The following COL4A1 variants were observed in gnomAD, a reference collection of about 807,000 sequenced individuals.
COL4A1 encodes collagen type IV alpha 1 chain.
In COL4A1, 40 loss-of-function variants were observed where a neutral mutation model predicts 216.6. That is an observed-to-expected ratio of 0.18 (90% CI 0.14 to 0.24). COL4A1 has a LOEUF of 0.24. COL4A1 is among the 10% of genes least tolerant of loss of function. The probability of loss-of-function intolerance (pLI) is 1.00; values close to 1 mark genes in which losing one functional copy is unlikely to be tolerated. For missense variants in COL4A1, 1,628 were observed against 2,196.8 expected (o/e 0.74, Z 5.18); for synonymous variants, 839 against 810.7 (o/e 1.03, Z -0.59).
At chr13:110,265,049 G>A (rs915057756) in intron 1 of COL4A1, among the ~76,000 whole-genome samples, 11 of 152,248 alleles carry the variant, frequency 7.2e-5, no homozygotes, top group African/African-American at 1.7e-4. Context: ...GGCTGTGGGC[G>A]CCGTCCCACC....
intron 1 of COL4A1, among the ~76,000 whole-genome samples, chr13:110,276,278 G>T (rs550024166): frequency 3.0e-4 from 46 of 152,312 alleles, no homozygotes; most frequent in Middle Eastern, 3.4e-3. Flanking sequence ...ACCCCAGATT[G>T]CGAAACAGTG....
intron 2 of COL4A1, among the ~76,000 whole-genome samples, chr13:110,234,029 T>C (rs1190036734): frequency 6.6e-6 from 1 of 152,232 alleles, no homozygotes; most frequent in African/African-American, 2.4e-5. Context: ...CTCACACTTA[T>C]TGCAACTTCA....
At chr13:110,206,621 A>G (rs377764595) in intron 15 of COL4A1, 44 bp downstream of exon 15, 38 of 1,601,934 alleles carry the variant, frequency 2.4e-5, no homozygotes, top group Non-Finnish European at 3.1e-5. Context: ...TTCCGCATGG[A>G]AGGAGAATTG....
At chr13:110,179,204 C>A in intron 30 of COL4A1, 67 bp downstream of exon 30, 1 of 1,598,496 alleles carries the variant, frequency 6.3e-7, no homozygotes, top group South Asian at 1.1e-5. Flanking sequence ...TCGGTAGGGG[C>A]TCTGGGAATG....
chr13:110,199,151 T>A (rs1037900471), intron 20 of COL4A1, among the ~76,000 whole-genome samples: 2 of 152,172 alleles, frequency 1.3e-5, no homozygotes, highest in Non-Finnish European at 2.9e-5. Context: ...TGTAACTCTG[T>A]AAGGGTAAGA....
chr13:110,164,818 C>T (rs1877258938), intron 46 of COL4A1, 44 bp downstream of exon 46: 2 of 1,608,476 alleles, frequency 1.2e-6, no homozygotes, highest in Non-Finnish European at 8.5e-7. Context: ...ACCACTGCCC[C>T]TCTGGGCTCC....
At chr13:110,254,990 C>T (rs1341599453) in intron 1 of COL4A1, among the ~76,000 whole-genome samples, 1 of 152,184 alleles carries the variant, frequency 6.6e-6, no homozygotes, top group African/African-American at 2.4e-5. Context: ...AAGGAGCTTG[C>T]TGGTTAAGAG....
chr13:110,212,448 G>A lies in COL4A1; in HGVS notation c.356C>T (p.Pro119Leu). The change falls in exon 6 of 52, where the codon CCC becomes CTC. Residue 119 changes from proline to leucine, a missense_variant. Coordinates refer to ENST00000375820, the MANE Select transcript of COL4A1 (RefSeq NM_001845.6). ...GCCATTGCATCCTGGAATACCTGGG[G>A]GGCCTGGCGGGCCGTCTTGGCCAGG... Reference protein sequence around the residue: ...GIPGQDGPPGPPGIPGCNGTK... With the variant: ...GIPGQDGPPGLPGIPGCNGTK... 1.2e-6 allele frequency: 2 copies of A among 1,614,044 alleles called. No homozygotes were observed. Among genetic ancestry groups the A allele is most frequent in the Non-Finnish European group, 1.7e-6 (2 of 1,180,040 alleles).
At position 110,220,987 on chromosome 13, in the gene COL4A1, G is replaced by A. The variant is rs562382839; in HGVS notation, c.145-6972C>T. Among the ~76,000 whole-genome samples the A allele has an allele frequency of 1.2e-4, 19 of 152,326 alleles. No homozygotes were observed. In the South Asian group the frequency reaches 3.7e-3, roughly 30 times the overall value. ...GAAGAAGGTCCACCCTGTGCTCAGC[G>A]AAAGCCTGCCTGCAGCTATAGCATT... On this transcript the variant is annotated intron_variant, in intron 2 of 51. Transcript: ENST00000375820.
intron 43 of COL4A1, among the ~76,000 whole-genome samples, chr13:110,169,297 T>C (rs1373636588): frequency 6.6e-6 from 1 of 152,236 alleles, no homozygotes; most frequent in South Asian, 2.1e-4. Context: ...TGGCTTGCTT[T>C]TTACATTGAG....
Position 110,209,374 on chromosome 13 carries a change from A to C in COL4A1, c.651+18T>G, listed in dbSNP as rs1879666665. On this transcript the variant is annotated intron_variant, in intron 11 of 51. Coordinates refer to ENST00000375820, the MANE Select transcript of COL4A1 (RefSeq NM_001845.6). The stretch of plus-strand genomic sequence containing the variant: ...CTTATACTAATGCCAAAGAACAAAA[A>C]ATGAAAAGAACTTTTACCTTTTCAC... 4.3e-6 allele frequency: 7 copies of C among 1,611,432 alleles called. No homozygotes were observed. Among genetic ancestry groups the C allele is most frequent in the Non-Finnish European group, 5.9e-6 (7 of 1,177,862 alleles).
intron 36 of COL4A1, among the ~76,000 whole-genome samples, chr13:110,175,857 G>A (rs1269588002): frequency 6.6e-6 from 1 of 152,140 alleles, no homozygotes; most frequent in East Asian, 1.9e-4. Context: ...AACAGCACCT[G>A]GTCAAGACTC....
At chr13:110,224,712 A>G (rs1017432007) in intron 2 of COL4A1, among the ~76,000 whole-genome samples, 5 of 152,216 alleles carry the variant, frequency 3.3e-5, no homozygotes, top group African/African-American at 1.2e-4. Context: ...TTCTACATTA[A>G]CAGAAATGTT....
chr13:110,156,581 T>C (rs1314278612), intron 49 of COL4A1, among the ~76,000 whole-genome samples: 5 of 152,160 alleles, frequency 3.3e-5, no homozygotes, highest in Non-Finnish European at 7.3e-5. Context: ...CAGCTCAGCC[T>C]TGGGACTGCA....
At chr13:110,295,019 G>C (rs74861172) in intron 1 of COL4A1, among the ~76,000 whole-genome samples, 155 of 152,300 alleles carry the variant, frequency 1.0e-3, no homozygotes, top group African/African-American at 3.4e-3. Flanking sequence ...TTAGATTACA[G>C]TTCTGTTCAT....
At chr13:110,247,790 CGT>C (rs56086913) in intron 1 of COL4A1, among the ~76,000 whole-genome samples, 13,154 of 57,620 alleles carry the variant, frequency 0.23, 1,199 homozygotes, top group East Asian at 0.36. Context: ...CTATGCTACT[CGT>C]GTGTGTGTGT....
chr13:110,240,607 C>T lies in COL4A1; in HGVS notation c.144+2068G>A, dbSNP rs1383573538. ...GGGCCACCCCCAGCAAGGGCTCCTC[C>T]TTGGGCAATGTTGAGATGAAATGTT... On this transcript the variant is annotated intron_variant, in intron 2 of 51. Transcript: ENST00000375820. Among the ~76,000 whole-genome samples the T allele has an allele frequency of 5.3e-5, 8 of 152,264 alleles. No individual in the cohort carries two copies. The South Asian group carries it at 1.2e-3, about 24-fold the overall frequency.
In COL4A1 at chr13:110,201,424, G is replaced by T. The variant is rs779982115; in HGVS notation, c.1084+14C>A. 5.6e-6 allele frequency: 9 copies of T among 1,612,220 alleles called. No individual in the cohort carries two copies. In the South Asian group the frequency reaches 9.9e-5, roughly 18 times the overall value. ...GGGGAGTAGGAGGAGGGGGGAAAAA[G>T]GCAAGAAAGCTACCTTTTGGGCCTG... On this transcript the variant is annotated intron_variant, in intron 19 of 51. Coordinates refer to ENST00000375820, the MANE Select transcript of COL4A1 (RefSeq NM_001845.6).
rs184954479 is a variant in COL4A1 at position 110,171,723 on chromosome 13, G to C, written c.3557-991C>G. Reference sequence around the variant, plus strand: ...AGTGGAAAACGCAAGGTGCTGCGTAGAGTTTGTGCAAGGGCAGTGCAGCAT... The same window carrying C: ...AGTGGAAAACGCAAGGTGCTGCGTACAGTTTGTGCAAGGGCAGTGCAGCAT... On this transcript the variant is annotated intron_variant, in intron 41 of 51. Transcript: ENST00000375820. Among the ~76,000 whole-genome samples, 380 of 152,362 alleles carry C rather than the reference G, an allele frequency of 2.5e-3. 1 individual carries two copies. The highest frequency in any genetic ancestry group is 4.8e-3 in the Non-Finnish European group (326 of 68,040).
Sources: gnomAD v4.1 joint callset for allele counts (sites outside exome capture counted in the v4.1 genomes callset) on GRCh38, gnomAD v4.1.1 for gene constraint, MANE v1.5 for transcripts, NCBI Gene and HGNC (gene_info 2026-07-23, HGNC 2026-07-21) for gene names.